Variants in GNA11 observed in about 807,000 individuals in gnomAD.
The protein encoded by GNA11 is G protein subunit alpha 11, also known as guanine nucleotide-binding protein subunit alpha-11.
In GNA11, 8 loss-of-function variants were observed where a neutral mutation model predicts 38.2. The ratio of observed to expected loss-of-function variants is 0.21; its 90% CI spans 0.12 to 0.38. GNA11 has a LOEUF of 0.38. GNA11 is among the 10% of genes least tolerant of loss of function. GNA11 has a pLI of 1.00. For missense variants in GNA11, 268 were observed against 516.3 expected, an observed-to-expected ratio of 0.52 and a Z score of 4.66; for synonymous variants, 211 against 221.4, an observed-to-expected ratio of 0.95 and a Z score of 0.42.
At chr19:3,096,347 G>A (rs1164255889) in intron 1 of GNA11, among the ~76,000 whole-genome samples, 1 of 152,212 alleles carries the variant, frequency 6.6e-6, no homozygotes, top group Non-Finnish European at 1.5e-5. Flanking sequence ...CGGCCCGCGT[G>A]GTGGCACTTT....
chr19:3,105,443 C>A (rs1011663607), intron 1 of GNA11, among the ~76,000 whole-genome samples: 2 of 147,232 alleles, frequency 1.4e-5, no homozygotes, highest in African/African-American at 5.1e-5. Flanking sequence ...TAGACAGCGG[C>A]GCTGTGGATT....
Position 3,121,231 on chromosome 19 carries a change from C to A in GNA11, c.*52C>A. On this transcript the variant is annotated 3_prime_UTR_variant, in exon 7 of 7. Coordinates refer to ENST00000078429, the MANE Select transcript of GNA11 (RefSeq NM_002067.5). ...GAGACACGGGGCAGGACCTTCCTTC[C>A]ACGGAGCCTGCGGCTGCCGGGCGGG... is the stretch of plus-strand genomic sequence containing the variant. 6.9e-7 allele frequency: 1 copy of A among 1,449,244 alleles called. No individual in the cohort carries two copies. Among genetic ancestry groups the A allele is most frequent in the Non-Finnish European group, 9.5e-7 (1 of 1,049,124 alleles). The allele number at this position is 1,449,244 out of a possible 1,614,324, so 89.8% of individuals were successfully genotyped here. A position where few individuals can be genotyped will look rare whatever the true frequency, so the allele number is the denominator to read the frequency against.
Position 3,119,539 on chromosome 19 carries a change from C to T in GNA11, c.889+180C>T, listed in dbSNP as rs906755038. On this transcript the variant is annotated intron_variant, in intron 6 of 6. Transcript: ENST00000078429. The surrounding 1 kb of genome is among the most constrained non-coding windows in gnomAD (Gnocchi z 4.6). Reference sequence around the variant, plus strand: ...AGATCTCGTATGAGGGGGGCCTGTACGGGAATGAGTTCTCCGACGCGGGTG... The same window carrying T: ...AGATCTCGTATGAGGGGGGCCTGTATGGGAATGAGTTCTCCGACGCGGGTG... Among the ~76,000 whole-genome samples the T allele has an allele frequency of 1.3e-4, 18 of 139,214 alleles. No homozygotes were observed. Among genetic ancestry groups the T allele is most frequent in the African/African-American group, 3.0e-4 (11 of 37,100 alleles). The allele number at this position is 139,214 out of a possible 152,430, so 91.3% of individuals were successfully genotyped here. A position where few individuals can be genotyped will look rare whatever the true frequency, so the allele number is the denominator to read the frequency against.
At chr19:3,115,957 G>A (rs1177384249) in intron 4 of GNA11, among the ~76,000 whole-genome samples, 228 of 132,578 alleles carry the variant, frequency 1.7e-3, no homozygotes, top group African/African-American at 6.5e-3. Flanking sequence ...GAGGGGTCGT[G>A]GGGACCGAGG....
intron 1 of GNA11, among the ~76,000 whole-genome samples, chr19:3,107,302 G>A (rs950013346): frequency 6.6e-6 from 1 of 152,192 alleles, no homozygotes; most frequent in Non-Finnish European, 1.5e-5. Context: ...GACCTGTGGC[G>A]TTTCAGACTC....
In GNA11 at chr19:3,122,669, G is replaced by T. The variant is rs1009994894; in HGVS notation, c.*1490G>T. 35 of 233,554 alleles carry T rather than the reference G, an allele frequency of 1.5e-4. No individual in the cohort carries two copies. The highest frequency in any genetic ancestry group is 6.6e-4 in the African/African-American group (30 of 45,460). The allele number at this position is 233,554 out of a possible 1,614,324, so 14.5% of individuals were successfully genotyped here. A position where few individuals can be genotyped will look rare whatever the true frequency, so the allele number is the denominator to read the frequency against. ...GTCCCAGGGATGGATCGCCTGTGCT[G>T]CCTTCGCCCGCCGCCACACCGGGAC... is the stretch of plus-strand genomic sequence containing the variant. On this transcript the variant is annotated 3_prime_UTR_variant, in exon 7 of 7. Transcript: ENST00000078429. This position sits in a 1 kb window ranked among gnomAD's most constrained non-coding sequence, Gnocchi z 7.7.
intron 1 of GNA11, among the ~76,000 whole-genome samples, chr19:3,103,980 T>A (rs1913572554): frequency 6.6e-6 from 1 of 152,130 alleles, no homozygotes; most frequent in South Asian, 2.1e-4. Context: ...CCACCATGCC[T>A]GGCCATTTTT....
At position 3,110,121 on chromosome 19, in the gene GNA11, G is replaced by A. The variant is rs374969385; in HGVS notation, c.137-28G>A. On this transcript the variant is annotated intron_variant, in intron 1 of 6. Transcript: ENST00000078429. The surrounding 1 kb of genome is among the most constrained non-coding windows in gnomAD (Gnocchi z 5.4). ...GCACGAGAGTCAGGCCCCGGCTGCCGCCCGCCCTCACGTGCCCCGTCCCCC... is the reference window on the plus strand; with the variant it reads ...GCACGAGAGTCAGGCCCCGGCTGCCACCCGCCCTCACGTGCCCCGTCCCCC... 83 of 1,561,104 alleles carry A rather than the reference G, an allele frequency of 5.3e-5. No individual in the cohort carries two copies. Among genetic ancestry groups the A allele is most frequent in the Admixed American group, 2.6e-4 (14 of 53,762 alleles).
chr19:3,099,953 TG>T (rs1290506912), intron 1 of GNA11, among the ~76,000 whole-genome samples: 1 of 152,010 alleles, frequency 6.6e-6, no homozygotes, highest in Admixed American at 6.6e-5. Context: ...CAGGGGGCGG[TG>T]GGGTGAGGAC....
chr19:3,102,446 C>T (rs1360210791), intron 1 of GNA11, among the ~76,000 whole-genome samples: 3 of 152,346 alleles, frequency 2.0e-5, no homozygotes, highest in East Asian at 3.9e-4. Context: ...GAGCCGGGTG[C>T]ACTTCCTCTC....
intron 2 of GNA11, among the ~76,000 whole-genome samples, chr19:3,112,414 C>T (rs1210289443): frequency 6.6e-6 from 1 of 152,190 alleles, no homozygotes; most frequent in Non-Finnish European, 1.5e-5. Context: ...GGCAAGGCTC[C>T]CTTCTTTCCC....
chr19:3,111,436 G>A (rs367759848), intron 2 of GNA11, among the ~76,000 whole-genome samples: 14 of 152,188 alleles, frequency 9.2e-5, no homozygotes, highest in South Asian at 8.3e-4. Context: ...TTTTGTGTCC[G>A]GCGTCTCTCA....
Position 3,120,911 on chromosome 19 carries a change from TG to T in GNA11, c.890-75del. ...CCGTGGGCCTTACTCGCTCATCCCC[TG>T]GGAGTGACAAAGGGGCCCACGAGTC... On this transcript the variant is annotated intron_variant, in intron 6 of 6. Coordinates refer to ENST00000078429, the MANE Select transcript of GNA11 (RefSeq NM_002067.5). The surrounding 1 kb of genome is among the most constrained non-coding windows in gnomAD (Gnocchi z 5.9). The T allele has an allele frequency of 9.1e-7, 1 of 1,102,788 alleles. No homozygotes were observed. Among genetic ancestry groups the T allele is most frequent in the Non-Finnish European group, 1.3e-6 (1 of 749,598 alleles). 68.3% of individuals were successfully genotyped at this position (1,102,788 alleles called of 1,614,324 possible). A position where few individuals can be genotyped will look rare whatever the true frequency, so the allele number is the denominator to read the frequency against.
intron 4 of GNA11, chr19:3,117,768 A>C: frequency 6.6e-6 from 1 of 152,238 alleles, no homozygotes; most frequent in South Asian, 2.1e-4. Flanking sequence ...GCCTCTGTCC[A>C]CCACACGCTG....
rs1416083299 is a variant in GNA11, at chr19:3,121,664, TC to T, written c.*486del. On this transcript the variant is annotated 3_prime_UTR_variant, in exon 7 of 7. Transcript: ENST00000078429. ...TTTTCTTTCTCCTGCCCGCTTCTTTTCTTCATCACAAAAGGCGTGGAGACTC... is the reference window on the plus strand; with the variant it reads ...TTTTCTTTCTCCTGCCCGCTTCTTTTTTCATCACAAAAGGCGTGGAGACTC... 8.6e-6 allele frequency: 2 copies of T among 232,590 alleles called. No individual in the cohort carries two copies. The highest frequency in any genetic ancestry group is 1.7e-5 in the Non-Finnish European group (2 of 117,794). 14.4% of individuals were successfully genotyped at this position (232,590 alleles called of 1,614,324 possible). A position where few individuals can be genotyped will look rare whatever the true frequency, so the allele number is the denominator to read the frequency against.
At position 3,119,905 on chromosome 19, in the gene GNA11, AC is replaced by A. The variant is rs1914023768; in HGVS notation, c.889+547del. ...TCCCTCCCTACGTGGCCCCTGCCCCACGGGGTGTGTCAGGGCAGCTGAGCAC... is the reference window on the plus strand; with the variant it reads ...TCCCTCCCTACGTGGCCCCTGCCCCAGGGGTGTGTCAGGGCAGCTGAGCAC... On this transcript the variant is annotated intron_variant, in intron 6 of 6. Coordinates refer to ENST00000078429, the MANE Select transcript of GNA11 (RefSeq NM_002067.5). The surrounding 1 kb of genome is among the most constrained non-coding windows in gnomAD (Gnocchi z 4.6). Among the ~76,000 whole-genome samples, 8 of 150,196 alleles carry A rather than the reference AC, an allele frequency of 5.3e-5. No homozygotes were observed. Among genetic ancestry groups the A allele is most frequent in the Admixed American group, 4.6e-4 (7 of 15,152 alleles).
rs917694085 is a variant in GNA11, at chr19:3,094,886, C to A, written c.136+99C>A. 3 of 868,272 alleles carry A rather than the reference C, an allele frequency of 3.5e-6. No homozygotes were observed. The highest frequency in any genetic ancestry group is 1.8e-5 in the African/African-American group (1 of 54,650). The allele number at this position is 868,272 out of a possible 1,614,324, so 53.8% of individuals were successfully genotyped here. A position where few individuals can be genotyped will look rare whatever the true frequency, so the allele number is the denominator to read the frequency against. On this transcript the variant is annotated intron_variant, in intron 1 of 6. Coordinates refer to ENST00000078429, the MANE Select transcript of GNA11 (RefSeq NM_002067.5). The surrounding 1 kb of genome is among the most constrained non-coding windows in gnomAD (Gnocchi z 6.0). ...CCGGGACCCTCCGGGGTCAGCCCTGCCTGTGCCGTCCGGGTCGCGAGACCC... is the reference window on the plus strand; with the variant it reads ...CCGGGACCCTCCGGGGTCAGCCCTGACTGTGCCGTCCGGGTCGCGAGACCC...
At chr19:3,103,593 A>G (rs1264480260) in intron 1 of GNA11, among the ~76,000 whole-genome samples, 1 of 125,486 alleles carries the variant, frequency 8.0e-6, no homozygotes, top group Non-Finnish European at 1.6e-5. Context: ...GTGCAGTGGT[A>G]GAATGTTTGC....
chr19:3,096,941 G>A (rs563154695), intron 1 of GNA11, among the ~76,000 whole-genome samples: 8 of 152,276 alleles, frequency 5.3e-5, no homozygotes, highest in South Asian at 2.1e-4. Context: ...AATCTGATGC[G>A]ACAGACCCTC....
Sources: allele counts gnomAD v4.1 joint callset (sites outside exome capture counted in the v4.1 genomes callset), GRCh38; gene constraint gnomAD v4.1.1; non-coding constraint Gnocchi (gnomAD v3.1); transcripts MANE v1.5; gene names NCBI Gene and HGNC (gene_info 2026-07-23, HGNC 2026-07-21).